FAM13C: variants seen among roughly 807,000 people sequenced by gnomAD.
FAM13C encodes protein FAM13C.
Under a neutral mutation model 73.2 loss-of-function variants are expected in FAM13C, and 37 were observed. The ratio of observed to expected loss-of-function variants is 0.51; its 90% CI spans 0.39 to 0.67. The LOEUF is 0.67. Ranked by LOEUF, FAM13C falls within the 30% of genes least tolerant of loss-of-function variation. The pLI is 0.00. For synonymous variants in FAM13C, 246 were observed against 260.9 expected, an observed-to-expected ratio of 0.94 and a Z score of 0.55; for missense variants, 589 against 715.6, an observed-to-expected ratio of 0.82 and a Z score of 2.02.
chr10:59,295,483 T>C (rs1846800171), intron 5 of FAM13C, among the ~76,000 whole-genome samples: 1 of 152,096 alleles, frequency 6.6e-6, no homozygotes, highest in Non-Finnish European at 1.5e-5. Flanking sequence ...GGACACACAG[T>C]TGCACAACTA....
intron 3 of FAM13C, among the ~76,000 whole-genome samples, chr10:59,343,955 T>C (rs1161697398): frequency 6.7e-6 from 1 of 148,554 alleles, no homozygotes; most frequent in African/African-American, 2.5e-5. Flanking sequence ...ATTTCTTTTT[T>C]TTTTTCTTTT....
At chr10:59,342,654 C>A (rs1853665314) in intron 3 of FAM13C, among the ~76,000 whole-genome samples, 1 of 152,124 alleles carries the variant, frequency 6.6e-6, no homozygotes, top group African/African-American at 2.4e-5. Context: ...CTGGGCATCC[C>A]ATATTTTATC....
At chr10:59,327,825 G>T (rs1286335401) in intron 3 of FAM13C, 1 of 152,128 alleles carries the variant, frequency 6.6e-6, no homozygotes, top group East Asian at 1.9e-4. Context: ...TGCCCCCAAA[G>T]AACTTTAAAA....
intron 2 of FAM13C, among the ~76,000 whole-genome samples, chr10:59,353,480 A>G (rs1305203753): frequency 6.6e-6 from 1 of 152,114 alleles, no homozygotes; most frequent in Non-Finnish European, 1.5e-5. Flanking sequence ...TTTTTCCCTC[A>G]TGCTTCCTTA....
chr10:59,300,217 A>G (rs1445335946), intron 5 of FAM13C, among the ~76,000 whole-genome samples: 1 of 152,220 alleles, frequency 6.6e-6, no homozygotes, highest in Non-Finnish European at 1.5e-5. Context: ...AGAAGTACAA[A>G]TAGTAGAAGT....
At chr10:59,360,976 G>T (rs1231161724) in intron 1 of FAM13C, 5 of 1,271,234 alleles carry the variant, frequency 3.9e-6, no homozygotes, top group Non-Finnish European at 3.1e-6. Context: ...GAGAATCGGG[G>T]CCAGAAAGCA....
At chr10:59,362,248 G>A in intron 1 of FAM13C, 151 bp downstream of exon 1, 1 of 1,098,730 alleles carries the variant, frequency 9.1e-7, no homozygotes, top group Non-Finnish European at 1.3e-6. Context: ...GGCCCCACCA[G>A]TCAGCACGTC....
chr10:59,265,313 GGGTTTT>G (rs1451833482), intron 8 of FAM13C, among the ~76,000 whole-genome samples: 4 of 59,752 alleles, frequency 6.7e-5, no homozygotes, highest in African/African-American at 2.0e-4. Context: ...GATAGGGAAG[GGGTTTT>G]GGCGGGGGGG....
At chr10:59,282,131 A>G (rs1412089232) in intron 6 of FAM13C, 2 of 152,272 alleles carry the variant, frequency 1.3e-5, no homozygotes, top group African/African-American at 4.8e-5. Flanking sequence ...ACCTGCATCC[A>G]TAGGGAAACA....
intron 5 of FAM13C, among the ~76,000 whole-genome samples, chr10:59,285,932 A>ATAC (rs1845504692): frequency 6.6e-6 from 1 of 151,002 alleles, no homozygotes; most frequent in Non-Finnish European, 1.5e-5. Context: ...CTGTGAAAAA[A>ATAC]TACATTTCTG....
chr10:59,362,637 C>A (rs1028248178), upstream of FAM13C: 7 of 1,405,010 alleles, frequency 5.0e-6, no homozygotes, highest in Middle Eastern at 5.2e-4. Flanking sequence ...GCGGCACGGG[C>A]GAACCACAAA....
chr10:59,298,143 A>T (rs568987318), intron 5 of FAM13C, among the ~76,000 whole-genome samples: 1 of 152,358 alleles, frequency 6.6e-6, no homozygotes, highest in East Asian at 1.9e-4. Flanking sequence ...CAGATTTATA[A>T]GCTGGCATCT....
At chr10:59,248,789 A>G (rs1019179991) in intron 13 of FAM13C, among the ~76,000 whole-genome samples, 3 of 152,204 alleles carry the variant, frequency 2.0e-5, no homozygotes, top group Admixed American at 2.0e-4. Flanking sequence ...CAAATAAAAA[A>G]CAAGCTAATC....
At chr10:59,247,904 G>A (rs1840875021) in intron 13 of FAM13C, 167 bp from the exon 14 acceptor site, 1 of 609,472 alleles carries the variant, frequency 1.6e-6, no homozygotes, top group South Asian at 2.3e-5. Flanking sequence ...TCTTCCATGT[G>A]TTACTAAGTT....
At position 59,268,549 on chromosome 10, in the gene FAM13C, T is replaced by C. The variant is rs1843341790; in HGVS notation, c.942+4A>G. ...GCTCCTATGTCAAACCCCAGGGTTC[T>C]TACCCGGTATTTCTTTTCTTGTTCA... is the stretch of plus-strand genomic sequence containing the variant. On this transcript the variant is annotated splice_donor_region_variant and intron_variant, in intron 8 of 13. Transcript: ENST00000618804. 1 of 1,613,728 alleles carries C rather than the reference T, an allele frequency of 6.2e-7. No homozygotes were observed. Among genetic ancestry groups the C allele is most frequent in the Non-Finnish European group, 8.5e-7 (1 of 1,179,722 alleles).
rs182628025 is a variant in FAM13C at position 59,348,914 on chromosome 10, G to A, written c.324+3356C>T. Among the ~76,000 whole-genome samples the A allele has an allele frequency of 6.1e-3, 934 of 152,254 alleles. 9 individuals carry two copies. The highest frequency in any genetic ancestry group is 0.021 in the African/African-American group (893 of 41,536). Reference sequence around the variant, plus strand: ...CTTACAAAGTGCTGGGATTACAGGCGTGAGCCACAATGCCCAGCTGAATCT... The same window carrying A: ...CTTACAAAGTGCTGGGATTACAGGCATGAGCCACAATGCCCAGCTGAATCT... On this transcript the variant is annotated intron_variant, in intron 3 of 13. Transcript: ENST00000618804.
chr10:59,304,728 G>A (rs1847997964), intron 4 of FAM13C, among the ~76,000 whole-genome samples: 1 of 124,832 alleles, frequency 8.0e-6, no homozygotes, highest in African/African-American at 2.9e-5. Flanking sequence ...AAACAAGCCT[G>A]CACTTGTACC....
chr10:59,334,291 A>G (rs183165237), intron 3 of FAM13C, among the ~76,000 whole-genome samples: 1 of 152,330 alleles, frequency 6.6e-6, no homozygotes. Context: ...AATCCTGACA[A>G]GAAAATTATT....
intron 6 of FAM13C, among the ~76,000 whole-genome samples, chr10:59,274,288 T>C (rs2133598346): frequency 6.6e-6 from 1 of 152,290 alleles, no homozygotes; most frequent in East Asian, 1.9e-4. Context: ...GGGTTAGCTA[T>C]ATGGTTAGGG....
Sources: gnomAD v4.1 joint callset for allele counts (sites outside exome capture counted in the v4.1 genomes callset) on GRCh38, gnomAD v4.1.1 for gene constraint, MANE v1.5 for transcripts, NCBI Gene and HGNC (gene_info 2026-07-23, HGNC 2026-07-21) for gene names.